The following STK3 variants were observed in gnomAD, a reference collection of about 807,000 sequenced individuals.
STK3 encodes serine/threonine-protein kinase 3.
STK3 carries 41 observed loss-of-function variants against 58.0 expected under a neutral mutation model. That is an observed-to-expected ratio of 0.71 (90% CI 0.55 to 0.92). The LOEUF (loss-of-function observed/expected upper bound fraction) is 0.92, where lower values mean the gene tolerates loss of function less well. Ranked by LOEUF, STK3 falls within the 40% of genes least tolerant of loss-of-function variation. The pLI, the probability that STK3 is intolerant of heterozygous loss-of-function variation, is 0.00. For synonymous variants in STK3, 170 were observed against 191.0 expected (o/e 0.89, Z 0.91); for missense variants, 479 against 602.7 (o/e 0.79, Z 2.15).
chr8:98,638,574 G>C (rs980758806), intron 6 of STK3: 1 of 152,162 alleles, frequency 6.6e-6, no homozygotes, highest in Non-Finnish European at 1.5e-5. Flanking sequence ...AAACAGAATG[G>C]GAATAGAAAG....
chr8:98,507,087 CA>C (rs1389891174), intron 10 of STK3, among the ~76,000 whole-genome samples: 2 of 152,184 alleles, frequency 1.3e-5, no homozygotes, highest in Admixed American at 1.3e-4. Flanking sequence ...GAAATGAATA[CA>C]GACCCCTTTT....
chr8:98,638,254 T>C (rs546151269), intron 6 of STK3, among the ~76,000 whole-genome samples: 1 of 152,370 alleles, frequency 6.6e-6, no homozygotes, highest in East Asian at 1.9e-4. Context: ...TCATTCACCA[T>C]TATTACAAAA....
chr8:98,913,960 T>C (rs908773666), intron 1 of STK3, among the ~76,000 whole-genome samples: 1 of 152,144 alleles, frequency 6.6e-6, no homozygotes. Context: ...GATTCTATGA[T>C]ACTTTAGTTT....
At chr8:98,496,373 C>CA (rs1823138826) in intron 10 of STK3, among the ~76,000 whole-genome samples, 1 of 151,988 alleles carries the variant, frequency 6.6e-6, no homozygotes, top group African/African-American at 2.4e-5. Context: ...CAGCAATGAG[C>CA]AAACAAAAAT....
At position 98,698,498 on chromosome 8, in the gene STK3, G is replaced by T. The variant is rs1046078329; in HGVS notation, c.684+7969C>A. 3.3e-5 allele frequency among the ~76,000 whole-genome samples: 5 copies of T among 152,138 alleles called. No individual in the cohort carries two copies. In the East Asian group the frequency reaches 9.6e-4, roughly 29 times the overall value. Reference sequence around the variant, plus strand: ...ATTTGGCATGATTTTGCAGTGGCTGGTACCGGTTGTTCCTTTCCATGTTTA... The same window carrying T: ...ATTTGGCATGATTTTGCAGTGGCTGTTACCGGTTGTTCCTTTCCATGTTTA... On this transcript the variant is annotated intron_variant, in intron 6 of 10. Transcript: ENST00000419617.
chr8:98,717,448 A>G (rs1208252762), intron 4 of STK3, among the ~76,000 whole-genome samples: 1 of 152,142 alleles, frequency 6.6e-6, no homozygotes, highest in Non-Finnish European at 1.5e-5. Context: ...TAAGACAAAT[A>G]TAAATCAAAA....
chr8:98,906,284 G>A (rs1838896062), intron 1 of STK3: 1 of 152,606 alleles, frequency 6.6e-6, no homozygotes, highest in Admixed American at 6.5e-5. Context: ...ACATTGTGAT[G>A]GTTTAGCTGG....
intron 1 of STK3, among the ~76,000 whole-genome samples, chr8:98,916,244 T>C (rs1158313752): frequency 6.6e-5 from 10 of 152,152 alleles, no homozygotes; most frequent in Middle Eastern, 3.4e-3. Context: ...GTGAAACCCG[T>C]CTCTACTAAA....
chr8:98,847,952 A>G (rs2131823529), intron 3 of STK3, among the ~76,000 whole-genome samples: 1 of 152,250 alleles, frequency 6.6e-6, no homozygotes, highest in Middle Eastern at 3.4e-3. Flanking sequence ...TACAGACAGA[A>G]AGGGCCTCTC....
intron 4 of STK3, among the ~76,000 whole-genome samples, chr8:98,738,460 C>T (rs895062307): frequency 2.6e-5 from 4 of 151,546 alleles, no homozygotes; most frequent in Non-Finnish European, 4.4e-5. Flanking sequence ...GGAACAAGAA[C>T]GAAACTCCGA....
chr8:98,651,850 G>C (rs989886218), intron 6 of STK3: 2 of 152,276 alleles, frequency 1.3e-5, no homozygotes, highest in Non-Finnish European at 2.9e-5. Context: ...CCAGATCTAC[G>C]TCTGATTGGT....
chr8:98,748,565 T>C (rs1005183177), intron 4 of STK3, among the ~76,000 whole-genome samples: 12 of 152,036 alleles, frequency 7.9e-5, no homozygotes, highest in African/African-American at 2.9e-4. Context: ...TATAATAATG[T>C]TACTGCTACA....
At chr8:98,801,438 C>G (rs895997155) in intron 1 of STK3, among the ~76,000 whole-genome samples, 1 of 152,162 alleles carries the variant, frequency 6.6e-6, no homozygotes, top group Non-Finnish European at 1.5e-5. Flanking sequence ...GTTATTGCTG[C>G]TCACTCTTTG....
rs775446064 is a variant in STK3 at position 98,840,350 on chromosome 8, T to TA, written c.110+43296dup. On this transcript the variant is annotated intron_variant, in intron 3 of 12. Transcript: ENST00000523601. ...CTGGGCAACAGAGTGAGACTCTGGT[T>TA]AAAAAAAAAAAAAAAAAAAAAGACC... Among the ~76,000 whole-genome samples the TA allele has an allele frequency of 5.6e-3, 568 of 100,808 alleles. 1 individual carries two copies. The highest frequency in any genetic ancestry group is 7.6e-3 in the African/African-American group (202 of 26,750). 66.1% of individuals were successfully genotyped at this position (100,808 alleles called of 152,430 possible).
At chr8:98,355,800 A>G in the STK3 span, among the ~76,000 whole-genome samples, 3 of 152,312 alleles carry the variant, frequency 2.0e-5, no homozygotes, top group East Asian at 5.8e-4. Context: ...AAATCTTTCC[A>G]GCTCTCTGCT....
intron 7 of STK3, among the ~76,000 whole-genome samples, chr8:98,582,971 CTA>C (rs1187954707): frequency 6.6e-6 from 1 of 152,006 alleles, no homozygotes; most frequent in Non-Finnish European, 1.5e-5. Context: ...AAGTTTATAA[CTA>C]TATCTTCCTT....
downstream of STK3, among the ~76,000 whole-genome samples, chr8:98,453,080 GTTTTTTTTTT>G (rs919288019): frequency 7.6e-5 from 3 of 39,680 alleles, 1 homozygote; most frequent in African/African-American, 3.3e-4. Flanking sequence ...TTTCTTTCTT[GTTTTTTTTTT>G]TTTTTTTTTT....
upstream of STK3, among the ~76,000 whole-genome samples, chr8:98,826,625 A>G (rs868588673): frequency 3.9e-5 from 6 of 152,326 alleles, 1 homozygote; most frequent in Middle Eastern, 0.01. Context: ...TAATCTGACC[A>G]CTGCATGCAT....
intron 4 of STK3, among the ~76,000 whole-genome samples, chr8:98,742,739 G>T (rs1247897878): frequency 2.0e-5 from 3 of 151,670 alleles, no homozygotes; most frequent in African/African-American, 4.9e-5. Context: ...GGGCAATTAG[G>T]CAGGAGAAGG....
Sources: gnomAD v4.1 joint callset for allele counts (sites outside exome capture counted in the v4.1 genomes callset) on GRCh38, gnomAD v4.1.1 for gene constraint, MANE v1.5 for transcripts, NCBI Gene and HGNC (gene_info 2026-07-23, HGNC 2026-07-21) for gene names.